Variants in TOX observed in about 807,000 individuals in gnomAD.
The protein encoded by TOX is thymocyte selection associated high mobility group box.
A neutral mutation model predicts 53.7 loss-of-function variants in TOX; 11 were observed. The observed-to-expected ratio is 0.20, with a 90% CI of 0.13 to 0.34. TOX has a LOEUF of 0.34. Among genes scored for constraint, TOX ranks in the 10% least tolerant of loss-of-function variants. TOX has a pLI of 1.00. For synonymous variants in TOX, 225 were observed against 245.3 expected, an observed-to-expected ratio of 0.92 and a Z score of 0.77; for missense variants, 570 against 664.6, an observed-to-expected ratio of 0.86 and a Z score of 1.56.
At chr8:58,944,385 G>T (rs1812492140) in intron 2 of TOX, among the ~76,000 whole-genome samples, 1 of 152,204 alleles carries the variant, frequency 6.6e-6, no homozygotes, top group African/African-American at 2.4e-5. Flanking sequence ...CTATAATAGA[G>T]AGTCAATTAC....
intron 3 of TOX, among the ~76,000 whole-genome samples, chr8:58,903,488 G>A (rs763730688): frequency 2.6e-5 from 4 of 152,172 alleles, no homozygotes; most frequent in Non-Finnish European, 4.4e-5. Context: ...CCAAAATTCA[G>A]ATATAGTTTT....
At chr8:58,875,192 G>A (rs1231298766) in intron 3 of TOX, among the ~76,000 whole-genome samples, 8 of 152,080 alleles carry the variant, frequency 5.3e-5, no homozygotes, top group Admixed American at 5.2e-4. Flanking sequence ...ACATGTGGGA[G>A]GCCAACTAAG....
intron 2 of TOX, among the ~76,000 whole-genome samples, chr8:58,952,081 A>G (rs1279044130): frequency 6.6e-6 from 1 of 152,170 alleles, no homozygotes; most frequent in Non-Finnish European, 1.5e-5. Flanking sequence ...CTGCAGAGGG[A>G]AACTTGGCAC....
At chr8:59,054,269 G>T (rs551956361) in intron 1 of TOX, among the ~76,000 whole-genome samples, 3 of 152,260 alleles carry the variant, frequency 2.0e-5, no homozygotes, top group East Asian at 3.9e-4. Context: ...GAGCACAGAG[G>T]TCATTAGCAT....
rs1036974868 is a variant in TOX, at chr8:58,806,714, C to T, written c.*1033G>A. 1.3e-5 allele frequency: 2 copies of T among 152,490 alleles called. No homozygotes were observed. Among genetic ancestry groups the T allele is most frequent in the African/African-American group, 2.4e-5 (1 of 41,386 alleles). 9.4% of individuals were successfully genotyped at this position (152,490 alleles called of 1,614,324 possible). On this transcript the variant is annotated 3_prime_UTR_variant, in exon 9 of 9. Coordinates refer to ENST00000361421, the MANE Select transcript of TOX (RefSeq NM_014729.3). ...AAAACTAAATAATAAAGTATTCACA[C>T]CAAGCGTGAATTTTTTTTTGCCAGC...
chr8:59,108,325 G>A (rs775948367), intron 1 of TOX, among the ~76,000 whole-genome samples: 1 of 152,170 alleles, frequency 6.6e-6, no homozygotes, highest in Non-Finnish European at 1.5e-5. Flanking sequence ...ATTGTGCAAT[G>A]AAAATGGTGC....
chr8:58,895,064 C>T (rs78235182), intron 3 of TOX, among the ~76,000 whole-genome samples: 11,836 of 149,538 alleles, frequency 0.079, 657 homozygotes, highest in African/African-American at 0.15. Context: ...GGCAGGTACC[C>T]GTAATCCCAG....
chr8:59,002,546 G>A (rs1813711813), intron 1 of TOX, among the ~76,000 whole-genome samples: 1 of 150,828 alleles, frequency 6.6e-6, no homozygotes, highest in South Asian at 2.1e-4. Context: ...GAGCGAGATC[G>A]CGCCACTGCA....
chr8:58,838,699 C>CTTTTGTTTTTTTTTTTTTTTTTTTT (rs1810590835), intron 4 of TOX, among the ~76,000 whole-genome samples: 1 of 88,912 alleles, frequency 1.1e-5, no homozygotes, highest in African/African-American at 6.0e-5. Context: ...TTATCCTTGT[C>CTTTTGTTTTTTTTTTTTTTTTTTTT]TTTTTTTTTT....
chr8:58,900,601 TGAC>T (rs1811720315), intron 3 of TOX, among the ~76,000 whole-genome samples: 1 of 152,158 alleles, frequency 6.6e-6, no homozygotes, highest in Non-Finnish European at 1.5e-5. Context: ...TCATACAATA[TGAC>T]AATTTCAAAA....
intron 3 of TOX, among the ~76,000 whole-genome samples, chr8:58,852,378 G>C (rs1218692002): frequency 6.6e-6 from 1 of 152,186 alleles, no homozygotes; most frequent in Non-Finnish European, 1.5e-5. Flanking sequence ...AACACTGATA[G>C]GCTGGTATTA....
At chr8:58,994,589 T>C (rs74382193) in intron 1 of TOX, among the ~76,000 whole-genome samples, 1,962 of 152,282 alleles carry the variant, frequency 0.013, 14 homozygotes, top group Non-Finnish European at 0.022. Context: ...AGAAGTTCTA[T>C]GACAGAATTG....
intron 1 of TOX, among the ~76,000 whole-genome samples, chr8:58,998,849 C>T (rs418520): frequency 0.95 from 144,054 of 151,812 alleles, 68,408 homozygotes; most frequent in East Asian, 1. Flanking sequence ...AACAATAGGA[C>T]AGGTATGAGT....
intron 1 of TOX, among the ~76,000 whole-genome samples, chr8:59,031,959 G>A (rs1814364918): frequency 2.0e-5 from 3 of 152,170 alleles, no homozygotes; most frequent in Admixed American, 2.0e-4. Context: ...ATTTGTATGT[G>A]AATCAGTGGC....
At chr8:58,835,306 T>C (rs952258383) in intron 5 of TOX, among the ~76,000 whole-genome samples, 3 of 152,142 alleles carry the variant, frequency 2.0e-5, no homozygotes, top group African/African-American at 4.8e-5. Context: ...ATATTTGCCA[T>C]CATATATATA....
At chr8:58,924,402 C>T (rs912296821) in intron 3 of TOX, among the ~76,000 whole-genome samples, 2 of 152,360 alleles carry the variant, frequency 1.3e-5, no homozygotes, top group East Asian at 1.9e-4. Flanking sequence ...GTCACAAATA[C>T]TCACTCGAAG....
At chr8:58,853,733 T>C (rs1810864614) in intron 3 of TOX, among the ~76,000 whole-genome samples, 1 of 152,240 alleles carries the variant, frequency 6.6e-6, no homozygotes, top group Non-Finnish European at 1.5e-5. Flanking sequence ...AGCCCATTCA[T>C]GTTGCCTTCA....
At chr8:59,042,534 G>C (rs76413499) in intron 1 of TOX, among the ~76,000 whole-genome samples, 3,335 of 152,232 alleles carry the variant, frequency 0.022, 87 homozygotes, top group South Asian at 0.089. Context: ...AGCATGGGAG[G>C]ATCTAAAGTA....
At chr8:59,111,958 ATGACCTT>A (rs1805023592) in intron 1 of TOX, among the ~76,000 whole-genome samples, 1 of 152,230 alleles carries the variant, frequency 6.6e-6, no homozygotes, top group South Asian at 2.1e-4. Flanking sequence ...CCCTGGTTTC[ATGACCTT>A]TGATATTATA....
Sources: allele counts gnomAD v4.1 joint callset (sites outside exome capture counted in the v4.1 genomes callset), GRCh38; gene constraint gnomAD v4.1.1; transcripts MANE v1.5; gene names NCBI Gene and HGNC (gene_info 2026-07-23, HGNC 2026-07-21).